The following BIRC6 variants were observed in gnomAD, a reference collection of about 807,000 sequenced individuals.
The protein encoded by BIRC6 is dual E2 ubiquitin-conjugating enzyme/E3 ubiquitin-protein ligase BIRC6.
BIRC6 carries 98 observed loss-of-function variants against 503.3 expected under a neutral mutation model. That is an observed-to-expected ratio of 0.19 (90% confidence interval 0.17 to 0.23). BIRC6 has a LOEUF of 0.23. Among genes scored for constraint, BIRC6 ranks in the 10% least tolerant of loss-of-function variants. The probability of loss-of-function intolerance (pLI) is 1.00; values close to 1 mark genes in which losing one functional copy is unlikely to be tolerated. For missense variants in BIRC6, 5,360 were observed against 5,806.0 expected (o/e 0.92, Z 2.50); for synonymous variants, 2,240 against 2,078.7 (o/e 1.08, Z -2.11).
chr2:32,417,842 CA>C (rs2042542196), intron 10 of BIRC6, among the ~76,000 whole-genome samples: 2 of 152,124 alleles, frequency 1.3e-5, no homozygotes, highest in African/African-American at 4.8e-5. Flanking sequence ...TGCAGTTACG[CA>C]ATCTTGGCTC....
At chr2:32,454,878 C>G (rs1033114431) in intron 23 of BIRC6, among the ~76,000 whole-genome samples, 6 of 152,070 alleles carry the variant, frequency 3.9e-5, no homozygotes, top group African/African-American at 1.4e-4. Flanking sequence ...TGAATATGAG[C>G]TTTTTAGATT....
intron 8 of BIRC6, among the ~76,000 whole-genome samples, chr2:32,403,293 A>G (rs1322225390): frequency 1.3e-5 from 2 of 152,222 alleles, no homozygotes; most frequent in African/African-American, 4.8e-5. Context: ...AAAATATACT[A>G]TGTGGGTTTC....
intron 62 of BIRC6, 131 bp downstream of exon 62, chr2:32,543,672 C>T (rs1559018229): frequency 3.7e-6 from 3 of 817,834 alleles, no homozygotes; most frequent in Non-Finnish European, 5.6e-6. Flanking sequence ...AGTGGTAGCT[C>T]ACTTCCAGTA....
Position 32,512,973 on chromosome 2 carries a change from G to A in BIRC6, c.10387G>A (p.Val3463Met), listed in dbSNP as rs1178609662. 1 of 1,613,852 alleles carries A rather than the reference G, an allele frequency of 6.2e-7. No individual in the cohort carries two copies. The highest frequency in any genetic ancestry group is 1.7e-5 in the Admixed American group (1 of 60,004). ...AAAATGGGTTAGTGATTCTGCAAGA[G>A]TGGCTGCTATGAAGAGAAGTGGCAG... Reference protein sequence around the residue: ...LLKWVSDSARVAAMKRSGRMN... With the variant: ...LLKWVSDSARMAAMKRSGRMN... The change falls in exon 54 of 74, where the codon GTG becomes ATG. Residue 3463 changes from valine (V) to methionine (M), a missense_variant. Physicochemically the swap from Val to Met is conservative, Grantham distance 21. Transcript: ENST00000421745.
chr2:32,486,405 C>T (rs2050999427), intron 40 of BIRC6, among the ~76,000 whole-genome samples: 1 of 152,176 alleles, frequency 6.6e-6, no homozygotes, highest in East Asian at 1.9e-4. Flanking sequence ...AGGTAGCCTG[C>T]CAGAGCTGGC....
intron 59 of BIRC6, 141 bp downstream of exon 59, chr2:32,525,769 T>C (rs2056214847): frequency 1.3e-6 from 1 of 758,980 alleles, no homozygotes; most frequent in African/African-American, 1.8e-5. Context: ...TCCATACAGT[T>C]CCTCCGAAGA....
At chr2:32,481,239 C>T in intron 37 of BIRC6, 81 bp from the exon 38 acceptor site, 1 of 1,255,926 alleles carries the variant, frequency 8.0e-7, no homozygotes, top group Non-Finnish European at 1.1e-6. Context: ...AGTAAAATAA[C>T]TTTTTTTAAC....
At position 32,488,658 on chromosome 2, in the gene BIRC6, G is replaced by C; in HGVS notation, c.8039G>C (p.Gly2680Ala). 1 of 1,500,926 alleles carries C rather than the reference G, an allele frequency of 6.7e-7. No individual in the cohort carries two copies. The allele number at this position is 1,500,926 out of a possible 1,614,324, so 93.0% of individuals were successfully genotyped here. Reference protein sequence around the residue: ...NSSSTGNKENGADIFLYNANR... With the variant: ...NSSSTGNKENAADIFLYNANR... ...AGTTCAACTGGAAACAAAGAAAATG[G>C]AGCAGACATATTTTTATATAATGCT... The change falls in exon 42 of 74, where the codon GGA (glycine) becomes GCA (alanine). Residue 2680 changes from glycine (G) to alanine (A), a missense_variant. Coordinates refer to ENST00000421745, the MANE Select transcript of BIRC6 (RefSeq NM_016252.4).
At chr2:32,450,662 A>G (rs958745657) in intron 22 of BIRC6, among the ~76,000 whole-genome samples, 1 of 152,056 alleles carries the variant, frequency 6.6e-6, no homozygotes, top group Non-Finnish European at 1.5e-5. Context: ...TTTTTCCACC[A>G]GTGTATGCAG....
intron 22 of BIRC6, among the ~76,000 whole-genome samples, chr2:32,450,188 T>C (rs891872295): frequency 1.3e-5 from 2 of 152,150 alleles, no homozygotes; most frequent in Non-Finnish European, 2.9e-5. Flanking sequence ...TTAGAAATCA[T>C]GATATGTCGG....
At chr2:32,438,056 T>G (rs1339785975) in intron 15 of BIRC6, among the ~76,000 whole-genome samples, 1 of 152,140 alleles carries the variant, frequency 6.6e-6, no homozygotes, top group Non-Finnish European at 1.5e-5. Context: ...CCTCCCAAAG[T>G]GCTAGGATTA....
intron 19 of BIRC6, 34 bp from the exon 20 acceptor site, chr2:32,443,457 G>A (rs766682901): frequency 1.4e-6 from 2 of 1,456,324 alleles, no homozygotes; most frequent in Non-Finnish European, 1.9e-6. Context: ...CTTGAGTAAT[G>A]TCTTTACAAT....
At chr2:32,491,649 A>G (rs1467845232) in intron 44 of BIRC6, 91 bp downstream of exon 44, 2 of 1,312,692 alleles carry the variant, frequency 1.5e-6, no homozygotes, top group Non-Finnish European at 2.1e-6. Flanking sequence ...TTGCTAAAGT[A>G]TTAAATAATA....
intron 61 of BIRC6, among the ~76,000 whole-genome samples, chr2:32,539,926 A>C (rs548702893): frequency 1.3e-5 from 2 of 152,208 alleles, no homozygotes; most frequent in East Asian, 3.9e-4. Flanking sequence ...AAAAGGGAAA[A>C]CCACACAAAT....
intron 9 of BIRC6, among the ~76,000 whole-genome samples, chr2:32,412,513 A>T (rs1013431783): frequency 2.2e-4 from 34 of 152,234 alleles, no homozygotes; most frequent in African/African-American, 8.2e-4. Context: ...AAACAAAAAA[A>T]AAGAAAAGAA....
intron 65 of BIRC6, among the ~76,000 whole-genome samples, chr2:32,574,273 C>T (rs2060113581): frequency 6.6e-6 from 1 of 151,460 alleles, no homozygotes; most frequent in Non-Finnish European, 1.5e-5. Flanking sequence ...GCCACCACGC[C>T]CAGCTAATTT....
intron 65 of BIRC6, chr2:32,565,809 G>T (rs2059496615): frequency 6.6e-6 from 1 of 152,242 alleles, no homozygotes; most frequent in Non-Finnish European, 1.5e-5. Flanking sequence ...CAGCAGCAAG[G>T]AAAAGTGCAG....
intron 47 of BIRC6, 39 bp from the exon 48 acceptor site, chr2:32,502,756 G>A (rs763320550): frequency 8.5e-5 from 125 of 1,474,346 alleles, no homozygotes; most frequent in Middle Eastern, 1.7e-4. Context: ...TTATTCACAG[G>A]AATATATAAA....
chr2:32,594,815 G>T (rs1248851640), intron 67 of BIRC6, among the ~76,000 whole-genome samples: 1 of 152,120 alleles, frequency 6.6e-6, no homozygotes, highest in Non-Finnish European at 1.5e-5. Context: ...TCATAAAGAT[G>T]ATTATGTTTT....
Sources: gnomAD v4.1 joint callset for allele counts (sites outside exome capture counted in the v4.1 genomes callset) on GRCh38, gnomAD v4.1.1 for gene constraint, MANE v1.5 for transcripts, NCBI Gene and HGNC (gene_info 2026-07-23, HGNC 2026-07-21) for gene names.